The following UNC5C variants were observed in gnomAD, a reference collection of about 807,000 sequenced individuals.
The protein encoded by UNC5C is unc-5 netrin receptor C.
UNC5C carries 47 observed loss-of-function variants against 99.8 expected under a neutral mutation model. The observed-to-expected ratio is 0.47, with a 90% confidence interval of 0.37 to 0.60. The LOEUF (loss-of-function observed/expected upper bound fraction) is 0.60, where lower values mean the gene tolerates loss of function less well. UNC5C is among the 20% of genes least tolerant of loss of function. The pLI, the probability that UNC5C is intolerant of heterozygous loss-of-function variation, is 0.00. For synonymous variants in UNC5C, 487 were observed against 452.2 expected (o/e 1.08, Z -0.98); for missense variants, 1,062 against 1,165.9 (o/e 0.91, Z 1.30).
intron 11 of UNC5C, 36 bp from the exon 12 acceptor site, chr4:95,203,000 C>T (rs780495774): frequency 1.7e-5 from 27 of 1,607,142 alleles, no homozygotes; most frequent in African/African-American, 5.4e-5. Context: ...GGCTAAGTCA[C>T]CCAGGACGCA....
chr4:95,510,744 T>A (rs1722049652), intron 1 of UNC5C, among the ~76,000 whole-genome samples: 1 of 152,262 alleles, frequency 6.6e-6, no homozygotes, highest in African/African-American at 2.4e-5. Context: ...GAACATCTTT[T>A]GGTATAAAGT....
At chr4:95,440,945 T>C (rs1417064840) in intron 1 of UNC5C, among the ~76,000 whole-genome samples, 1 of 152,228 alleles carries the variant, frequency 6.6e-6, no homozygotes, top group East Asian at 1.9e-4. Flanking sequence ...TCTGCATTTA[T>C]ATAGAGTCGC....
chr4:95,334,519 G>A (rs572967920), intron 2 of UNC5C, among the ~76,000 whole-genome samples: 89 of 152,028 alleles, frequency 5.9e-4, no homozygotes, highest in African/African-American at 2.0e-3. Flanking sequence ...AGTTCAAAGA[G>A]TTATTCTGTC....
intron 4 of UNC5C, among the ~76,000 whole-genome samples, chr4:95,272,062 G>A (rs1007038413): frequency 8.6e-5 from 13 of 151,772 alleles, no homozygotes; most frequent in Admixed American, 3.3e-4. Flanking sequence ...CTCTTCAATA[G>A]ACTTTCCTTG....
chr4:95,181,484 C>A (rs1022236439), intron 14 of UNC5C, among the ~76,000 whole-genome samples: 2 of 152,156 alleles, frequency 1.3e-5, no homozygotes, highest in African/African-American at 4.8e-5. Context: ...CCTCACCCCC[C>A]TCCAAAATTC....
chr4:95,514,451 A>T lies in UNC5C; in HGVS notation c.124+34283T>A, dbSNP rs372615933. On this transcript the variant is annotated intron_variant, in intron 1 of 15. Coordinates refer to ENST00000453304, the MANE Select transcript of UNC5C (RefSeq NM_003728.4). ...TTCTTTGAACTCTCTTAGAGGTTAA[A>T]TCATCTCTGAGACGCCTTCTTTGGC... is the stretch of plus-strand genomic sequence containing the variant. Among the ~76,000 whole-genome samples, 36 of 151,990 alleles carry T rather than the reference A, an allele frequency of 2.4e-4. No individual in the cohort carries two copies. The South Asian group carries it at 4.4e-3, about 18-fold the overall frequency.
intron 3 of UNC5C, among the ~76,000 whole-genome samples, chr4:95,297,142 T>G (rs938025711): frequency 6.6e-6 from 1 of 152,194 alleles, no homozygotes; most frequent in Non-Finnish European, 1.5e-5. Context: ...AAGGGCCATG[T>G]GAGCTTCAGA....
At chr4:95,261,995 C>T (rs1275699080) in intron 4 of UNC5C, among the ~76,000 whole-genome samples, 2 of 152,204 alleles carry the variant, frequency 1.3e-5, no homozygotes, top group Non-Finnish European at 2.9e-5. Context: ...AGCCACTGCG[C>T]CCAGTCTGCA....
In UNC5C at chr4:95,178,556, T is replaced by A. The variant is rs563149578; in HGVS notation, c.2451+4341A>T. Among the ~76,000 whole-genome samples the A allele has an allele frequency of 2.4e-4, 36 of 152,322 alleles. No homozygotes were observed. In the South Asian group the frequency reaches 6.4e-3, roughly 27 times the overall value. On this transcript the variant is annotated intron_variant, in intron 14 of 15. Transcript: ENST00000453304. ...ACACAAGAAGCTACTCAATTAATGT[T>A]TGTTTGTTGAAATGAGAGAAAATAT...
At chr4:95,301,353 GC>G (rs1741868178) in intron 3 of UNC5C, among the ~76,000 whole-genome samples, 1 of 151,976 alleles carries the variant, frequency 6.6e-6, no homozygotes. Context: ...CTGCCACCAT[GC>G]CCGGCTAATT....
At chr4:95,301,553 C>T in intron 3 of UNC5C, 53 bp downstream of exon 3, 2 of 1,610,410 alleles carry the variant, frequency 1.2e-6, no homozygotes, top group East Asian at 2.2e-5. Context: ...GTAAACTTTC[C>T]CTTATGTGTA....
chr4:95,358,393 A>G lies in UNC5C; in HGVS notation c.125-22762T>C, dbSNP rs570757389. ...ACATTTATTTCATCCTTTTTGATGG[A>G]GCAAATGACATTCTTCCAAAATTTA... On this transcript the variant is annotated intron_variant, in intron 1 of 15. Coordinates refer to ENST00000453304, the MANE Select transcript of UNC5C (RefSeq NM_003728.4). 2.0e-5 allele frequency among the ~76,000 whole-genome samples: 3 copies of G among 152,272 alleles called. No individual in the cohort carries two copies. In the East Asian group the frequency reaches 5.8e-4, roughly 29 times the overall value.
At chr4:95,192,029 C>T (rs1262586055) in intron 12 of UNC5C, among the ~76,000 whole-genome samples, 2 of 133,026 alleles carry the variant, frequency 1.5e-5, no homozygotes, top group Admixed American at 7.5e-5. Flanking sequence ...TGTTCACCTT[C>T]CTCCTCTGCT....
intron 13 of UNC5C, 113 bp from the exon 14 acceptor site, chr4:95,183,174 C>CACA: frequency 9.7e-7 from 1 of 1,030,798 alleles, no homozygotes; most frequent in Admixed American, 2.2e-5. Context: ...ATTTAATCCT[C>CACA]ACAACAGCCC....
intron 3 of UNC5C, among the ~76,000 whole-genome samples, chr4:95,295,886 A>C (rs1741651956): frequency 6.6e-6 from 1 of 152,128 alleles, no homozygotes; most frequent in African/African-American, 2.4e-5. Context: ...CCAGTTCGAG[A>C]CCAGCCTGGG....
chr4:95,525,596 T>TAAAAAAAAAAAAAAA lies in UNC5C; in HGVS notation c.124+23123_124+23137dup, dbSNP rs574532435. ...ATAGCAGTGTGCAAAGCCTATTTCT[T>TAAAAAAAAAAAAAAA]AAAAAAAAAAAAAAAAAAAAAAGAC... is the stretch of plus-strand genomic sequence containing the variant. On this transcript the variant is annotated intron_variant, in intron 1 of 15. Coordinates refer to ENST00000453304, the MANE Select transcript of UNC5C (RefSeq NM_003728.4). Among the ~76,000 whole-genome samples the TAAAAAAAAAAAAAAA allele has an allele frequency of 1.6e-3, 167 of 102,148 alleles. 13 individuals carry two copies. Among genetic ancestry groups the TAAAAAAAAAAAAAAA allele is most frequent in the African/African-American group, 5.8e-3 (146 of 25,292 alleles). The allele number at this position is 102,148 out of a possible 152,430, so 67.0% of individuals were successfully genotyped here. A position where few individuals can be genotyped will look rare whatever the true frequency, so the allele number is the denominator to read the frequency against.
intron 7 of UNC5C, among the ~76,000 whole-genome samples, chr4:95,225,514 A>T (rs1300830050): frequency 6.6e-6 from 1 of 152,170 alleles, no homozygotes; most frequent in Non-Finnish European, 1.5e-5. Flanking sequence ...GGCTTGGGAG[A>T]TATCTGTCAA....
At chr4:95,171,977 C>T (rs1736136062) in intron 14 of UNC5C, among the ~76,000 whole-genome samples, 1 of 150,534 alleles carries the variant, frequency 6.6e-6, no homozygotes, top group Non-Finnish European at 1.5e-5. Context: ...ATTTGCATTT[C>T]TCTGATGGCC....
intron 7 of UNC5C, chr4:95,222,287 A>G: frequency 7.1e-7 from 1 of 1,409,010 alleles, no homozygotes; most frequent in Non-Finnish European, 9.4e-7. Flanking sequence ...AAAAAAAATG[A>G]AACAAAAATG....
Sources: gnomAD v4.1 joint callset for allele counts (sites outside exome capture counted in the v4.1 genomes callset) on GRCh38, gnomAD v4.1.1 for gene constraint, MANE v1.5 for transcripts, NCBI Gene and HGNC (gene_info 2026-07-23, HGNC 2026-07-21) for gene names.